Variants in ANGEL2 observed in about 807,000 individuals in gnomAD.
ANGEL2 encodes the protein angel homolog 2.
A neutral mutation model predicts 66.0 loss-of-function variants in ANGEL2; 41 were observed. The observed-to-expected ratio is 0.62, with a 90% CI of 0.48 to 0.81. The LOEUF (loss-of-function observed/expected upper bound fraction) is 0.81, where lower values mean the gene tolerates loss of function less well. Ranked by LOEUF, ANGEL2 falls within the 30% of genes least tolerant of loss-of-function variation. ANGEL2 has a pLI of 0.00. For synonymous variants in ANGEL2, 208 were observed against 226.5 expected (o/e 0.92, Z 0.73); for missense variants, 561 against 641.6 (o/e 0.87, Z 1.36).
chr1:213,007,141 A>C lies in ANGEL2; in HGVS notation c.700T>G (p.Leu234Val). The C allele has an allele frequency of 6.2e-7, 1 of 1,609,812 alleles. No homozygotes were observed. Among genetic ancestry groups the C allele is most frequent in the Non-Finnish European group, 8.5e-7 (1 of 1,178,430 alleles). ...DHYGAEIRPS[L>V]ESLGYHCEYK... ...AGTTGCATTGTACCCAGTGATTCCA[A>C]ACTTGGCCTGATCTCTGCTCCATAA... The change falls in exon 4 of 9, where the codon TTG (leucine) becomes GTG (valine). Residue 234 changes from leucine to valine, a missense_variant. By Grantham distance (32) the Leu-to-Val change is conservative. Transcript: ENST00000366962.
At chr1:213,014,886 A>G (rs924635568) in intron 1 of ANGEL2, among the ~76,000 whole-genome samples, 2 of 152,230 alleles carry the variant, frequency 1.3e-5, no homozygotes, top group African/African-American at 4.8e-5. Flanking sequence ...GGTTTCACAG[A>G]GTACACAGTT....
chr1:213,015,364 G>C, intron 1 of ANGEL2: 1 of 1,403,866 alleles, frequency 7.1e-7, no homozygotes, highest in Non-Finnish European at 9.2e-7. Context: ...AAGCCTGGCC[G>C]GCGGCCCATG....
chr1:213,004,098 G>A (rs142522548), intron 5 of ANGEL2, among the ~76,000 whole-genome samples: 59 of 152,058 alleles, frequency 3.9e-4, no homozygotes, highest in African/African-American at 1.4e-3. Context: ...CCAGCTACTC[G>A]GGAGGCTGAG....
intron 5 of ANGEL2, among the ~76,000 whole-genome samples, chr1:213,004,325 A>G (rs2076258123): frequency 6.6e-6 from 1 of 152,214 alleles, no homozygotes; most frequent in Admixed American, 6.5e-5. Context: ...AAAAATAATC[A>G]CGAGATAAAT....
At chr1:212,995,822 G>A (rs1022323601) in intron 8 of ANGEL2, among the ~76,000 whole-genome samples, 2 of 151,440 alleles carry the variant, frequency 1.3e-5, no homozygotes, top group Non-Finnish European at 2.9e-5. Flanking sequence ...GAAAGGAGGG[G>A]GGAACAAACA....
chr1:213,000,867 T>C lies in ANGEL2; in HGVS notation c.1180A>G (p.Ile394Val), dbSNP rs201200297. Residue 394 changes from isoleucine to valine, a missense_variant, in exon 6 of 9, where the codon ATT becomes GTT. Transcript: ENST00000366962. ...CCTAGGTTTGGGGGCCAAATTGGAA[T>C]AGATAAAATTCTTTGTCCCCGTGAA... Reference protein sequence around the residue: ...QSSRGQRILSIPIWPPNLGIS... With the variant: ...QSSRGQRILSVPIWPPNLGIS... The C allele has an allele frequency of 5.6e-6, 9 of 1,612,920 alleles. No individual in the cohort carries two copies. The highest frequency in any genetic ancestry group is 4.5e-5 in the East Asian group (2 of 44,796).
chr1:213,007,029 G>A, intron 4 of ANGEL2, 100 bp downstream of exon 4: 1 of 1,130,976 alleles, frequency 8.8e-7, no homozygotes, highest in Non-Finnish European at 1.3e-6. Flanking sequence ...AGTAGGTTGA[G>A]GCTGTAGTGA....
intron 5 of ANGEL2, among the ~76,000 whole-genome samples, chr1:213,002,537 T>A (rs2076204777): frequency 6.6e-6 from 1 of 152,194 alleles, no homozygotes; most frequent in Non-Finnish European, 1.5e-5. Flanking sequence ...AGTCAGCCTG[T>A]CCTTTGAAAC....
At position 213,008,291 on chromosome 1, in the gene ANGEL2, A is replaced by G; in HGVS notation, c.561T>C (p.Tyr187=). 1 of 1,614,174 alleles carries G rather than the reference A, an allele frequency of 6.2e-7. No homozygotes were observed. The change falls in exon 3 of 9, where the codon TAT becomes TAC. Residue 187 remains tyrosine, a synonymous_variant. Coordinates refer to ENST00000366962, the MANE Select transcript of ANGEL2 (RefSeq NM_144567.5). ...GTAATACTGGCCGCCGGCAATGTCT[A>G]TAAAGGTGAGAGTTATCTTCCAGTA... ...QDLLEDNSHL[Y]RHCRRPVLHW...
Position 212,994,866 on chromosome 1 carries a change from T to C in ANGEL2, c.*175A>G, listed in dbSNP as rs2102683156. On this transcript the variant is annotated 3_prime_UTR_variant, in exon 9 of 9. Coordinates refer to ENST00000366962, the MANE Select transcript of ANGEL2 (RefSeq NM_144567.5). Reference sequence around the variant, plus strand: ...CTTGTCACGAAAATATTTTTCATTATTAAAAAAAATTGTTATAAAGTTATT... The same window carrying C: ...CTTGTCACGAAAATATTTTTCATTACTAAAAAAAATTGTTATAAAGTTATT... 1 of 465,126 alleles carries C rather than the reference T, an allele frequency of 2.1e-6. No individual in the cohort carries two copies. Among genetic ancestry groups the C allele is most frequent in the East Asian group, 3.7e-5 (1 of 27,008 alleles). The allele number at this position is 465,126 out of a possible 1,614,324, so 28.8% of individuals were successfully genotyped here. A position where few individuals can be genotyped will look rare whatever the true frequency, so the allele number is the denominator to read the frequency against.
intron 8 of ANGEL2, 134 bp downstream of exon 8, chr1:212,997,021 T>A: frequency 1.3e-6 from 1 of 775,304 alleles, no homozygotes; most frequent in Non-Finnish European, 2.0e-6. Context: ...ATTACCAATC[T>A]GTCTATTTCG....
intron 1 of ANGEL2, among the ~76,000 whole-genome samples, chr1:213,014,368 T>C (rs1424938164): frequency 1.3e-5 from 2 of 152,272 alleles, no homozygotes; most frequent in African/African-American, 4.8e-5. Flanking sequence ...TTTAACTTTA[T>C]ACGCTGTTAT....
At chr1:213,000,647 A>AG (rs2076151990) in intron 6 of ANGEL2, 139 bp downstream of exon 6, 1 of 1,020,628 alleles carries the variant, frequency 9.8e-7, no homozygotes. Context: ...AGAGGTCTTA[A>AG]GAAAAAAAAT....
Position 212,994,882 on chromosome 1 carries a change from T to C in ANGEL2, c.*159A>G, listed in dbSNP as rs2075954341. On this transcript the variant is annotated 3_prime_UTR_variant, in exon 9 of 9. Coordinates refer to ENST00000366962, the MANE Select transcript of ANGEL2 (RefSeq NM_144567.5). ...TTTTCATTATTAAAAAAAATTGTTA[T>C]AAAGTTATTTCTTCTGATATGGAGT... The C allele has an allele frequency of 3.7e-6, 2 of 545,218 alleles. No individual in the cohort carries two copies. The highest frequency in any genetic ancestry group is 5.6e-6 in the Non-Finnish European group (2 of 357,522). 33.8% of individuals were successfully genotyped at this position (545,218 alleles called of 1,614,324 possible). A position where few individuals can be genotyped will look rare whatever the true frequency, so the allele number is the denominator to read the frequency against.
At chr1:213,002,954 C>G (rs1558177700) in intron 5 of ANGEL2, among the ~76,000 whole-genome samples, 1 of 151,918 alleles carries the variant, frequency 6.6e-6, no homozygotes, top group Non-Finnish European at 1.5e-5. Context: ...TTTAGTGTAG[C>G]CACCTTCATC....
At chr1:213,008,595 G>A in intron 2 of ANGEL2, 129 bp from the exon 3 acceptor site, 1 of 1,086,898 alleles carries the variant, frequency 9.2e-7, no homozygotes. Context: ...TCCCTAGGAA[G>A]TGGCAATATA....
At chr1:213,009,331 G>A (rs2076434561) in intron 2 of ANGEL2, among the ~76,000 whole-genome samples, 1 of 152,144 alleles carries the variant, frequency 6.6e-6, no homozygotes, top group East Asian at 1.9e-4. Flanking sequence ...TAAAGAGCAT[G>A]CTCTTACTGC....
At chr1:212,995,215 T>G (rs1356661779) in intron 8 of ANGEL2, 23 bp from the exon 9 acceptor site, 1 of 1,573,664 alleles carries the variant, frequency 6.4e-7, no homozygotes, top group African/African-American at 1.4e-5. Flanking sequence ...AGCACACACA[T>G]ATTTAGTAAA....
In ANGEL2 at chr1:213,015,849, G is replaced by T; in HGVS notation, c.-178C>A. The T allele has an allele frequency of 1.4e-6, 1 of 721,516 alleles. No homozygotes were observed. Among genetic ancestry groups the T allele is most frequent in the Non-Finnish European group, 2.3e-6 (1 of 440,166 alleles). 44.7% of individuals were successfully genotyped at this position (721,516 alleles called of 1,614,324 possible). A position where few individuals can be genotyped will look rare whatever the true frequency, so the allele number is the denominator to read the frequency against. On this transcript the variant is annotated 5_prime_UTR_variant, in exon 1 of 9. Coordinates refer to ENST00000366962, the MANE Select transcript of ANGEL2 (RefSeq NM_144567.5). ...CCGGCCGGCCTACACTCCATCTTGC[G>T]CAGTCAGAGTCCCTGAATGCCTTAA...
Sources: allele counts gnomAD v4.1 joint callset (sites outside exome capture counted in the v4.1 genomes callset), GRCh38; gene constraint gnomAD v4.1.1; transcripts MANE v1.5; gene names NCBI Gene and HGNC (gene_info 2026-07-23, HGNC 2026-07-21).